Variants in DNMT3A observed in about 807,000 individuals in gnomAD.
DNMT3A encodes DNA methyltransferase 3 alpha.
A neutral mutation model predicts 117.6 loss-of-function variants in DNMT3A; 267 were observed. The observed-to-expected ratio is 2.27, with a 90% CI of 2.05 to 2.51. The LOEUF (loss-of-function observed/expected upper bound fraction) is 2.51, where lower values mean the gene tolerates loss of function less well. Among genes scored for constraint, DNMT3A ranks in the 30% most tolerant of loss-of-function variants. DNMT3A has a pLI of 0.00. For synonymous variants in DNMT3A, 432 were observed against 474.8 expected, an observed-to-expected ratio of 0.91 and a Z score of 1.17; for missense variants, 1,029 against 1,260.2, an observed-to-expected ratio of 0.82 and a Z score of 2.78.
intron 6 of DNMT3A, among the ~76,000 whole-genome samples, chr2:25,261,137 T>C (rs1676567814): frequency 6.6e-6 from 1 of 151,584 alleles, no homozygotes; most frequent in South Asian, 2.1e-4. Context: ...CTACTAAAAA[T>C]ACAAAAATTA....
chr2:25,246,080 A>G lies in DNMT3A; in HGVS notation c.1430-16T>C, dbSNP rs1204591597. On this transcript the variant is annotated splice_polypyrimidine_tract_variant and intron_variant, in intron 11 of 22. Transcript: ENST00000321117. ...ACCAGCCGCTCTGCAAGGGGAGGAGAGCTGGCGTCAGAGGAGGCCGCGCCT... is the reference window on the plus strand; with the variant it reads ...ACCAGCCGCTCTGCAAGGGGAGGAGGGCTGGCGTCAGAGGAGGCCGCGCCT... 1 of 1,614,064 alleles carries G rather than the reference A, an allele frequency of 6.2e-7. No individual in the cohort carries two copies.
At chr2:25,320,204 T>C (rs775710176) in intron 1 of DNMT3A, among the ~76,000 whole-genome samples, 1 of 152,152 alleles carries the variant, frequency 6.6e-6, no homozygotes, top group Non-Finnish European at 1.5e-5. Flanking sequence ...ATTCCAAAGA[T>C]GACCACAAAA....
intron 2 of DNMT3A, among the ~76,000 whole-genome samples, chr2:25,307,652 G>C (rs2033856537): frequency 6.6e-6 from 1 of 152,064 alleles, no homozygotes; most frequent in Non-Finnish European, 1.5e-5. Flanking sequence ...TTTTAGTAGA[G>C]ACGGGGTTTT....
intron 2 of DNMT3A, among the ~76,000 whole-genome samples, chr2:25,301,063 G>T (rs766468781): frequency 1.3e-5 from 2 of 151,386 alleles, no homozygotes; most frequent in Non-Finnish European, 2.9e-5. Context: ...GAGGTCAGGA[G>T]ATTGAGACCA....
intron 3 of DNMT3A, among the ~76,000 whole-genome samples, chr2:25,292,304 C>T (rs1031167281): frequency 6.6e-6 from 1 of 152,022 alleles, no homozygotes; most frequent in Non-Finnish European, 1.5e-5. Flanking sequence ...GAGCCGAGAT[C>T]GCACCACTGC....
At chr2:25,255,292 T>G (rs1676012921) in intron 6 of DNMT3A, among the ~76,000 whole-genome samples, 1 of 152,222 alleles carries the variant, frequency 6.6e-6, no homozygotes, top group African/African-American at 2.4e-5. Context: ...CACATGCTCT[T>G]GAGCTTCCAA....
intron 17 of DNMT3A, 46 bp downstream of exon 17, chr2:25,241,516 T>C (rs772533485): frequency 2.5e-6 from 4 of 1,575,286 alleles, no homozygotes; most frequent in Admixed American, 1.9e-5. Flanking sequence ...AGGTGCTGAG[T>C]GTGCAGGGAG....
rs192806251 is a variant in DNMT3A at position 25,301,142 on chromosome 2, G to A, written c.73-899C>T. 2.3e-3 allele frequency among the ~76,000 whole-genome samples: 352 copies of A among 151,736 alleles called. 2 individuals are homozygous for A. Among genetic ancestry groups the A allele is most frequent in the African/African-American group, 8.0e-3 (330 of 41,366 alleles). The stretch of plus-strand genomic sequence containing the variant: ...AAATTAGCCGGGCATGGTGGCACGC[G>A]CCTGTAGTCTCAGCTACTAGGGAAG... On this transcript the variant is annotated intron_variant, in intron 2 of 22. Coordinates refer to ENST00000321117, the MANE Select transcript of DNMT3A (RefSeq NM_022552.5).
Position 25,300,139 on chromosome 2 carries a change from C to A in DNMT3A, c.177G>T (p.Pro59=), listed in dbSNP as rs1558721525. ...GRPGRKRKHP[P]VESGDTPKDP... is the part of the protein sequence containing the mutation. ...AGGGTGTGTAGGATGTGACACTCAC[C>A]GGGGGGTGCTTGCGCTTCCTCCCAG... The change falls in exon 3 of 23, where the codon CCG becomes CCT. Residue 59 remains proline (P), a splice_region_variant and synonymous_variant. Coordinates refer to ENST00000321117, the MANE Select transcript of DNMT3A (RefSeq NM_022552.5). The A allele has an allele frequency of 1.9e-6, 3 of 1,612,964 alleles. No individual in the cohort carries two copies. Among genetic ancestry groups the A allele is most frequent in the Non-Finnish European group, 1.7e-6 (2 of 1,179,686 alleles).
At chr2:25,258,701 A>C (rs186097654) in intron 6 of DNMT3A, among the ~76,000 whole-genome samples, 1 of 152,342 alleles carries the variant, frequency 6.6e-6, no homozygotes, top group East Asian at 1.9e-4. Flanking sequence ...GGATCAGTCA[A>C]GGCAGGAAGG....
chr2:25,248,083 C>G lies in DNMT3A; in HGVS notation c.809G>C (p.Gly270Ala), dbSNP rs965969920. The G allele has an allele frequency of 6.2e-7, 1 of 1,613,050 alleles. No homozygotes were observed. Among genetic ancestry groups the G allele is most frequent in the Non-Finnish European group, 8.5e-7 (1 of 1,180,016 alleles). The change falls in exon 7 of 23, where the codon GGG (glycine) becomes GCG (alanine). Residue 270 changes from glycine (G) to alanine (A), a missense_variant. Physicochemically the swap from Gly to Ala is moderately conservative, Grantham distance 60 (BLOSUM62 0). Transcript: ENST00000321117. ...GCCTGCTTTGGTGGCATTCTTGTCCCCAGCATCGGACCCCACGGGCTCAGG... is the reference window on the plus strand; with the variant it reads ...GCCTGCTTTGGTGGCATTCTTGTCCGCAGCATCGGACCCCACGGGCTCAGG... The part of the protein sequence containing the change: ...TTPEPVGSDA[G>A]DKNATKAGDD...
rs1158755409 is a variant in DNMT3A, at chr2:25,286,564, C to T, written c.178-3853G>A. ...TGGGATTTGGGGGGGAGGGCAATGA[C>T]TTCTGCCACGCTCAACCCTTGATTC... On this transcript the variant is annotated intron_variant, in intron 3 of 22. Coordinates refer to ENST00000321117, the MANE Select transcript of DNMT3A (RefSeq NM_022552.5). The surrounding 1 kb of genome is among the most constrained non-coding windows in gnomAD (Gnocchi z 4.3). Among the ~76,000 whole-genome samples, 1 of 152,238 alleles carries T rather than the reference C, an allele frequency of 6.6e-6. No individual in the cohort carries two copies. The highest frequency in any genetic ancestry group is 2.4e-5 in the African/African-American group (1 of 41,452).
At chr2:25,318,033 C>T (rs114346434) in intron 1 of DNMT3A, among the ~76,000 whole-genome samples, 4,065 of 152,142 alleles carry the variant, frequency 0.027, 181 homozygotes, top group African/African-American at 0.091. Flanking sequence ...CCGCGCCGGC[C>T]GGGAAGGTTA....
rs1263164315 is a variant in DNMT3A, at chr2:25,282,415, G to A, written c.448+26C>T. Reference sequence around the variant, plus strand: ...AGGGTATGCTGGTGGGCCCAGAAGAGGCTGCCCCTGGTGCTGAGGACTCAC... The same window carrying A: ...AGGGTATGCTGGTGGGCCCAGAAGAAGCTGCCCCTGGTGCTGAGGACTCAC... On this transcript the variant is annotated intron_variant, in intron 4 of 22. Coordinates refer to ENST00000321117, the MANE Select transcript of DNMT3A (RefSeq NM_022552.5). The surrounding 1 kb of genome is among the most constrained non-coding windows in gnomAD (Gnocchi z 5.2). 3 of 1,606,970 alleles carry A rather than the reference G, an allele frequency of 1.9e-6. No individual in the cohort carries two copies. The highest frequency in any genetic ancestry group is 2.5e-6 in the Non-Finnish European group (3 of 1,177,240).
chr2:25,281,797 A>C lies in DNMT3A; in HGVS notation c.448+644T>G. ...CTTTCCAGGCTTCCAGGGTTAGGCC[A>C]AAAAGTCCCCAGATGAAGAGGCCTG... On this transcript the variant is annotated intron_variant, in intron 4 of 22. Transcript: ENST00000321117. This position sits in a 1 kb window ranked among gnomAD's most constrained non-coding sequence, Gnocchi z 4.8. 1 of 1,065,598 alleles carries C rather than the reference A, an allele frequency of 9.4e-7. No individual in the cohort carries two copies. The highest frequency in any genetic ancestry group is 1.1e-6 in the Non-Finnish European group (1 of 879,392). The allele number at this position is 1,065,598 out of a possible 1,614,324, so 66.0% of individuals were successfully genotyped here.
At chr2:25,245,761 GT>G (rs1462524810) in intron 12 of DNMT3A, among the ~76,000 whole-genome samples, 1 of 152,240 alleles carries the variant, frequency 6.6e-6, no homozygotes, top group Non-Finnish European at 1.5e-5. Context: ...GGACCTGTAG[GT>G]GAGTTCAGTC....
chr2:25,311,398 G>A lies in DNMT3A; in HGVS notation c.72+2515C>T, dbSNP rs2034111583. 6.6e-6 allele frequency among the ~76,000 whole-genome samples: 1 copy of A among 152,220 alleles called. No individual in the cohort carries two copies. The highest frequency in any genetic ancestry group is 1.5e-5 in the Non-Finnish European group (1 of 68,016). ...GTGTCTCTCCCCACCCTCCCTGGGC[G>A]GCTCCCTGGAGGTGCTGGAGCCAGC... On this transcript the variant is annotated intron_variant, in intron 2 of 22. Transcript: ENST00000321117. The surrounding 1 kb of genome is among the most constrained non-coding windows in gnomAD (Gnocchi z 5.2).
chr2:25,296,574 A>C lies in DNMT3A; in HGVS notation c.177+3565T>G, dbSNP rs2033101920. ...ATGTGTGGCCTCCTCTCTCCAGCAC[A>C]CTTGACTGAAATAGAAGGCATCTTC... On this transcript the variant is annotated intron_variant, in intron 3 of 22. Transcript: ENST00000321117. The surrounding 1 kb of genome is among the most constrained non-coding windows in gnomAD (Gnocchi z 4.2). 6.6e-6 allele frequency among the ~76,000 whole-genome samples: 1 copy of C among 152,232 alleles called. No homozygotes were observed.
rs778414705 is a variant in DNMT3A, at chr2:25,239,155, A to C, written c.2383T>G (p.Trp795Gly). The change falls in exon 20 of 23, where the codon TGG becomes GGG. Residue 795 changes from tryptophan to glycine, a missense_variant. Trp to Gly is a radical substitution (Grantham distance 184). Coordinates refer to ENST00000321117, the MANE Select transcript of DNMT3A (RefSeq NM_022552.5). ...CTGTTCATACCGGGAAGGTTACCCC[A>C]GAAGTAGCGGGCCCTGTGTGCAGCT... is the stretch of plus-strand genomic sequence containing the variant. ...VSAAHRARYFWGNLPGMNRPL... is the reference protein window; with the variant it reads ...VSAAHRARYFGGNLPGMNRPL... 1 of 1,614,096 alleles carries C rather than the reference A, an allele frequency of 6.2e-7. No homozygotes were observed. Among genetic ancestry groups the C allele is most frequent in the East Asian group, 2.2e-5 (1 of 44,880 alleles).
Sources: allele counts gnomAD v4.1 joint callset (sites outside exome capture counted in the v4.1 genomes callset), GRCh38; gene constraint gnomAD v4.1.1; non-coding constraint Gnocchi (gnomAD v3.1); transcripts MANE v1.5; gene names NCBI Gene and HGNC (gene_info 2026-07-23, HGNC 2026-07-21).